Variants in ZEB1 observed in about 807,000 individuals in gnomAD.
The protein encoded by ZEB1 is zinc finger E-box-binding homeobox 1.
ZEB1 carries 21 observed loss-of-function variants against 84.9 expected under a neutral mutation model. The observed-to-expected ratio is 0.25, with a 90% CI of 0.18 to 0.36. ZEB1 has a LOEUF of 0.36. ZEB1 is among the 10% of genes least tolerant of loss of function. ZEB1 has a pLI of 1.00. For synonymous variants in ZEB1, 420 were observed against 471.1 expected (o/e 0.89, Z 1.41); for missense variants, 1,104 against 1,330.2 (o/e 0.83, Z 2.65).
chr10:31,443,456 C>T (rs2059305618), intron 1 of ZEB1, among the ~76,000 whole-genome samples: 2 of 150,688 alleles, frequency 1.3e-5, no homozygotes, highest in African/African-American at 4.9e-5. Context: ...TACATGTGCA[C>T]ATTGTGCAGG....
chr10:31,412,863 G>A (rs1044284162), intron 1 of ZEB1, among the ~76,000 whole-genome samples: 2 of 152,152 alleles, frequency 1.3e-5, no homozygotes, highest in African/African-American at 4.8e-5. Context: ...TCCAGCGAAG[G>A]TGGTAAAACT....
intron 1 of ZEB1, among the ~76,000 whole-genome samples, chr10:31,416,594 A>G (rs990478008): frequency 3.3e-5 from 5 of 152,128 alleles, no homozygotes; most frequent in Admixed American, 1.3e-4. Context: ...TCTTCCTATT[A>G]GATATTGAAG....
intron 2 of ZEB1, among the ~76,000 whole-genome samples, chr10:31,479,502 G>T (rs1255476887): frequency 6.6e-6 from 1 of 151,766 alleles, no homozygotes; most frequent in Non-Finnish European, 1.5e-5. Context: ...TCCTCAACAA[G>T]ATAATAGCAA....
At chr10:31,331,288 G>A (rs1381887337) in intron 1 of ZEB1, among the ~76,000 whole-genome samples, 3 of 151,438 alleles carry the variant, frequency 2.0e-5, no homozygotes, top group African/African-American at 7.3e-5. Flanking sequence ...GGGTTTCACC[G>A]TGTTAGCCAG....
chr10:31,514,944 A>G (rs1190004656), intron 6 of ZEB1, among the ~76,000 whole-genome samples: 2 of 152,090 alleles, frequency 1.3e-5, no homozygotes, highest in Non-Finnish European at 2.9e-5. Context: ...AGAAGATAAT[A>G]TAGCATGTTT....
chr10:31,521,406 G>A lies in ZEB1; in HGVS notation c.2074G>A (p.Val692Met), dbSNP rs765317194. The change falls in exon 7 of 9, where the codon GTG becomes ATG. Residue 692 changes from valine to methionine, a missense_variant. By Grantham distance (21) the Val-to-Met change is conservative. Around this residue, in one of 7 missense-constraint regions of ZEB1, gnomAD observed 531 missense variants for 575.2 expected, o/e 0.92. Coordinates refer to ENST00000424869, the MANE Select transcript of ZEB1 (RefSeq NM_001174096.2). ...GATGACTAACTCCCCAGTTTTACCA[G>A]TGGGATCAACCACCAATGGTTCCAG... ...LKMTNSPVLP[V>M]GSTTNGSRSS... The A allele has an allele frequency of 1.9e-6, 3 of 1,614,104 alleles. No homozygotes were observed. The highest frequency in any genetic ancestry group is 3.3e-5 in the Admixed American group (2 of 60,018).
intron 1 of ZEB1, among the ~76,000 whole-genome samples, chr10:31,445,708 T>A (rs1319446886): frequency 7.4e-6 from 1 of 135,196 alleles, no homozygotes. Flanking sequence ...GTTTATATGC[T>A]GGATTACATT....
At chr10:31,414,480 T>C (rs1418552018) in intron 1 of ZEB1, among the ~76,000 whole-genome samples, 1 of 152,218 alleles carries the variant, frequency 6.6e-6, no homozygotes, top group Non-Finnish European at 1.5e-5. Flanking sequence ...CACTATCTTA[T>C]GTAGCTCCTA....
At chr10:31,319,096 G>A (rs1056086538), upstream of ZEB1, 30 of 697,584 alleles carry the variant, frequency 4.3e-5, no homozygotes, top group Admixed American at 6.2e-4. Flanking sequence ...TAGGTGTAAG[G>A]AAGGTGATGT....
intron 1 of ZEB1, among the ~76,000 whole-genome samples, chr10:31,427,101 T>C (rs758356054): frequency 2.6e-5 from 4 of 151,962 alleles, no homozygotes; most frequent in Admixed American, 6.6e-5. Flanking sequence ...AAAACCCGGA[T>C]GCATATAGGT....
rs139857092 is a variant in ZEB1 at position 31,509,415 on chromosome 10, T to C, written c.485-1258T>C. 9.1e-3 allele frequency among the ~76,000 whole-genome samples: 1,392 copies of C among 152,338 alleles called. 13 individuals carry two copies. The highest frequency in any genetic ancestry group is 0.031 in the African/African-American group (1,303 of 41,572). Reference sequence around the variant, plus strand: ...GTTGCTTTACTTCCTTCTTCCTTACTTGAGGTGTTTCCTGTCACTTTTCTG... The same window carrying C: ...GTTGCTTTACTTCCTTCTTCCTTACCTGAGGTGTTTCCTGTCACTTTTCTG... On this transcript the variant is annotated intron_variant, in intron 4 of 8. Coordinates refer to ENST00000424869, the MANE Select transcript of ZEB1 (RefSeq NM_001174096.2).
intron 1 of ZEB1, among the ~76,000 whole-genome samples, chr10:31,406,567 A>G (rs1455357073): frequency 6.6e-6 from 1 of 151,872 alleles, no homozygotes; most frequent in Non-Finnish European, 1.5e-5. Flanking sequence ...AATTTGTTTA[A>G]GTTCCTTGTA....
chr10:31,415,336 A>G (rs1036884934), intron 1 of ZEB1, among the ~76,000 whole-genome samples: 2 of 152,094 alleles, frequency 1.3e-5, no homozygotes, highest in African/African-American at 4.8e-5. Flanking sequence ...TGCTGCAACT[A>G]TTACTACTAC....
chr10:31,444,909 T>C (rs1285107481), intron 1 of ZEB1, among the ~76,000 whole-genome samples: 1 of 152,136 alleles, frequency 6.6e-6, no homozygotes, highest in East Asian at 1.9e-4. Flanking sequence ...TCTTTTTTGG[T>C]TCCATATGAA....
At chr10:31,374,621 A>G (rs2046282144) in intron 1 of ZEB1, among the ~76,000 whole-genome samples, 1 of 151,848 alleles carries the variant, frequency 6.6e-6, no homozygotes, top group African/African-American at 2.4e-5. Context: ...AAGGGTAGGA[A>G]CAATAAAGTT....
intron 1 of ZEB1, chr10:31,362,918 C>G: frequency 1.3e-6 from 2 of 1,504,834 alleles, no homozygotes; most frequent in Non-Finnish European, 1.8e-6. Context: ...CGCATGTTGC[C>G]ATGCTGGAGG....
intron 1 of ZEB1, among the ~76,000 whole-genome samples, chr10:31,361,579 A>C (rs1224513238): frequency 6.6e-6 from 1 of 151,696 alleles, no homozygotes; most frequent in Non-Finnish European, 1.5e-5. Context: ...GGGTGGGGGC[A>C]CTCCTCACTT....
At chr10:31,339,271 A>G (rs543964569) in intron 1 of ZEB1, among the ~76,000 whole-genome samples, 2 of 152,302 alleles carry the variant, frequency 1.3e-5, no homozygotes, top group African/African-American at 4.8e-5. Flanking sequence ...TCAGTGACAC[A>G]TGGTTTTAAC....
At chr10:31,502,237 A>C in intron 3 of ZEB1, 111 bp from the exon 4 acceptor site, 1 of 1,064,014 alleles carries the variant, frequency 9.4e-7, no homozygotes, top group Non-Finnish European at 1.4e-6. Context: ...TATTTTCTGC[A>C]GATTCAAGAA....
Sources: gnomAD v4.1 joint callset for allele counts (sites outside exome capture counted in the v4.1 genomes callset) on GRCh38, gnomAD v4.1.1 for gene constraint, gnomAD v4.1.1 regional missense constraint, MANE v1.5 for transcripts, NCBI Gene and HGNC (gene_info 2026-07-23, HGNC 2026-07-21) for gene names.